TBC1D5: variants seen among roughly 807,000 people sequenced by gnomAD.
TBC1D5 encodes TBC1 domain family, member 5.
TBC1D5 carries 75 observed loss-of-function variants against 100.3 expected under a neutral mutation model. That is an observed-to-expected ratio of 0.75 (90% CI 0.62 to 0.91). TBC1D5 has a LOEUF of 0.91. Ranked by LOEUF, TBC1D5 falls within the 40% of genes least tolerant of loss-of-function variation. The pLI is 0.00. For synonymous variants in TBC1D5, 323 were observed against 325.6 expected, an observed-to-expected ratio of 0.99 and a Z score of 0.09; for missense variants, 910 against 942.4, an observed-to-expected ratio of 0.97 and a Z score of 0.45.
intron 2 of TBC1D5, among the ~76,000 whole-genome samples, chr3:17,622,288 C>T (rs1185727068): frequency 6.6e-6 from 1 of 152,128 alleles, no homozygotes; most frequent in Non-Finnish European, 1.5e-5. Context: ...GGCCCCATTC[C>T]TAACAGGCTG....
At chr3:17,293,741 G>C (rs1256688648) in intron 14 of TBC1D5, among the ~76,000 whole-genome samples, 2 of 152,206 alleles carry the variant, frequency 1.3e-5, no homozygotes, top group Non-Finnish European at 2.9e-5. Context: ...TTACTCTGGA[G>C]AAAATTACAG....
At chr3:17,528,201 A>G (rs986981089) in intron 2 of TBC1D5, among the ~76,000 whole-genome samples, 1 of 152,150 alleles carries the variant, frequency 6.6e-6, no homozygotes, top group African/African-American at 2.4e-5. Flanking sequence ...CTGAGACTAC[A>G]GGCGTGAGCC....
chr3:17,369,057 G>A (rs557453845), intron 13 of TBC1D5, among the ~76,000 whole-genome samples: 233 of 152,076 alleles, frequency 1.5e-3, no homozygotes, highest in Non-Finnish European at 1.8e-3. Context: ...TCATTTCCAT[G>A]AGATACAAAA....
At chr3:17,171,890 A>C (rs1196987640) in intron 19 of TBC1D5, among the ~76,000 whole-genome samples, 1 of 152,226 alleles carries the variant, frequency 6.6e-6, no homozygotes, top group Non-Finnish European at 1.5e-5. Context: ...TCCTGCATGC[A>C]GAATACAATG....
At chr3:17,284,522 A>G (rs928367150) in intron 15 of TBC1D5, among the ~76,000 whole-genome samples, 4 of 152,150 alleles carry the variant, frequency 2.6e-5, no homozygotes, top group African/African-American at 9.7e-5. Context: ...ATATACCATT[A>G]TATCACCATG....
At chr3:17,710,784 A>G (rs1182837554) in intron 1 of TBC1D5, among the ~76,000 whole-genome samples, 2 of 151,810 alleles carry the variant, frequency 1.3e-5, no homozygotes, top group Non-Finnish European at 2.9e-5. Flanking sequence ...TGCAACTGCC[A>G]TCTCCCAGGT....
chr3:17,228,181 T>C lies in TBC1D5; in HGVS notation c.1588+9982A>G, dbSNP rs143904288. Reference sequence around the variant, plus strand: ...AGGCTGTGGTGGTAGATTTGAGAGATGTTTACAGGGTAGAATTCCCCAAGC... The same window carrying C: ...AGGCTGTGGTGGTAGATTTGAGAGACGTTTACAGGGTAGAATTCCCCAAGC... On this transcript the variant is annotated intron_variant, in intron 17 of 21. Transcript: ENST00000253692. 6.7e-3 allele frequency among the ~76,000 whole-genome samples: 1,013 copies of C among 152,154 alleles called. 12 individuals carry two copies. Among genetic ancestry groups the C allele is most frequent in the African/African-American group, 0.024 (979 of 41,500 alleles).
chr3:17,238,065 A>C, intron 17 of TBC1D5, 98 bp downstream of exon 17: 2 of 1,475,378 alleles, frequency 1.4e-6, no homozygotes, highest in Non-Finnish European at 1.8e-6. Flanking sequence ...GTTTTGCATT[A>C]ATTTCTATTC....
chr3:17,255,846 G>A (rs1002929318), intron 16 of TBC1D5, among the ~76,000 whole-genome samples: 3 of 152,018 alleles, frequency 2.0e-5, no homozygotes, highest in African/African-American at 7.2e-5. Flanking sequence ...AGACCATCTT[G>A]GCTAACACGG....
intron 13 of TBC1D5, among the ~76,000 whole-genome samples, chr3:17,365,390 T>C (rs1384938786): frequency 6.6e-6 from 1 of 152,216 alleles, no homozygotes; most frequent in Admixed American, 6.5e-5. Context: ...GTAAAGGTTG[T>C]TTCTCCCACT....
At chr3:17,170,179 G>A (rs2067032883) in intron 19 of TBC1D5, among the ~76,000 whole-genome samples, 1 of 152,222 alleles carries the variant, frequency 6.6e-6, no homozygotes. Flanking sequence ...TTCAGGTTGA[G>A]CTGTGAGAGG....
intron 1 of TBC1D5, among the ~76,000 whole-genome samples, chr3:17,625,822 C>A (rs2063004960): frequency 6.6e-6 from 1 of 152,002 alleles, no homozygotes; most frequent in South Asian, 2.1e-4. Flanking sequence ...TCAATCTAAT[C>A]TTATTCTCCT....
intron 1 of TBC1D5, among the ~76,000 whole-genome samples, chr3:17,682,168 C>T (rs1023767044): frequency 2.6e-5 from 4 of 151,150 alleles, no homozygotes; most frequent in African/African-American, 4.9e-5. Context: ...TTTAACAGGG[C>T]AGGTGTGATG....
chr3:17,485,179 T>A (rs2095547255), intron 3 of TBC1D5, among the ~76,000 whole-genome samples: 1 of 152,144 alleles, frequency 6.6e-6, no homozygotes, highest in Non-Finnish European at 1.5e-5. Context: ...TTTATTTTTT[T>A]AAAGTAATTG....
chr3:17,455,130 A>G (rs1363825726), intron 3 of TBC1D5, among the ~76,000 whole-genome samples: 1 of 148,434 alleles, frequency 6.7e-6, no homozygotes, highest in Non-Finnish European at 1.5e-5. Context: ...GACTCAAAAT[A>G]ACCAAAGCTA....
At chr3:17,376,339 C>A (rs941011292) in intron 10 of TBC1D5, among the ~76,000 whole-genome samples, 186 bp downstream of exon 10, 2 of 151,984 alleles carry the variant, frequency 1.3e-5, no homozygotes, top group African/African-American at 4.8e-5. Context: ...TAAATTTGCC[C>A]CATAGCTAAA....
intron 2 of TBC1D5, among the ~76,000 whole-genome samples, chr3:17,512,613 T>G (rs2153234163): frequency 6.6e-6 from 1 of 152,320 alleles, no homozygotes; most frequent in East Asian, 1.9e-4. Flanking sequence ...AGAATTATTT[T>G]AAATAAAAGC....
At chr3:17,562,673 T>C (rs911624866) in intron 2 of TBC1D5, among the ~76,000 whole-genome samples, 2 of 152,188 alleles carry the variant, frequency 1.3e-5, no homozygotes, top group African/African-American at 4.8e-5. Flanking sequence ...ACAGTCTTGG[T>C]GCATTGTGAA....
At chr3:17,164,090 T>C (rs1231833496) in intron 21 of TBC1D5, among the ~76,000 whole-genome samples, 1 of 152,176 alleles carries the variant, frequency 6.6e-6, no homozygotes, top group East Asian at 1.9e-4. Context: ...TCTCACTCTA[T>C]AGAATACAAT....
Sources: gnomAD v4.1 joint callset for allele counts (sites outside exome capture counted in the v4.1 genomes callset) on GRCh38, gnomAD v4.1.1 for gene constraint, MANE v1.5 for transcripts, NCBI Gene and HGNC (gene_info 2026-07-23, HGNC 2026-07-21) for gene names.